Variants in LSAMP observed in about 807,000 individuals in gnomAD.
LSAMP encodes limbic system associated membrane protein, also known as limbic system-associated membrane protein.
In LSAMP, 7 loss-of-function variants were observed where a neutral mutation model predicts 38.6. That is an observed-to-expected ratio of 0.18 (90% CI 0.10 to 0.34). The LOEUF is 0.34. Among genes scored for constraint, LSAMP ranks in the 10% least tolerant of loss-of-function variants. The pLI is 1.00. For missense variants in LSAMP, 313 were observed against 420.0 expected, an observed-to-expected ratio of 0.75 and a Z score of 2.23; for synonymous variants, 154 against 166.8, an observed-to-expected ratio of 0.92 and a Z score of 0.59.
chr3:116,395,638 T>C (rs2048757892), intron 1 of LSAMP, among the ~76,000 whole-genome samples: 1 of 152,170 alleles, frequency 6.6e-6, no homozygotes, highest in Non-Finnish European at 1.5e-5. Flanking sequence ...GTATTATCTC[T>C]AGAGAAAGAC....
At chr3:116,237,612 T>C (rs2046482048) in intron 1 of LSAMP, among the ~76,000 whole-genome samples, 1 of 152,138 alleles carries the variant, frequency 6.6e-6, no homozygotes, top group African/African-American at 2.4e-5. Context: ...TTCACCACAA[T>C]TCATTTAATA....
chr3:116,183,777 T>C (rs1710545388), intron 1 of LSAMP, among the ~76,000 whole-genome samples: 2 of 151,714 alleles, frequency 1.3e-5, no homozygotes, highest in African/African-American at 4.8e-5. Context: ...TTTAAAAGCA[T>C]CCCTGATAAT....
At chr3:115,824,741 G>T (rs1934354091) in intron 6 of LSAMP, among the ~76,000 whole-genome samples, 1 of 151,050 alleles carries the variant, frequency 6.6e-6, no homozygotes, top group South Asian at 2.1e-4. Context: ...CTAGCTTCCG[G>T]ACCTAAATCT....
intron 1 of LSAMP, among the ~76,000 whole-genome samples, chr3:116,114,609 A>G (rs1023774562): frequency 2.6e-5 from 4 of 152,206 alleles, no homozygotes; most frequent in African/African-American, 4.8e-5. Context: ...AGAAAGCAGT[A>G]GTACTACTTT....
chr3:116,425,448 A>AAAT (rs2049181851), intron 1 of LSAMP, among the ~76,000 whole-genome samples: 1 of 152,222 alleles, frequency 6.6e-6, no homozygotes. Flanking sequence ...GGGTTAGTGG[A>AAAT]AATAGTACTG....
chr3:115,841,167 C>G (rs1934984410), intron 6 of LSAMP, among the ~76,000 whole-genome samples: 1 of 152,198 alleles, frequency 6.6e-6, no homozygotes, highest in East Asian at 1.9e-4. Flanking sequence ...TTTAGAATGA[C>G]CATTCTCCCC....
chr3:116,289,019 A>C (rs113503412), intron 1 of LSAMP, among the ~76,000 whole-genome samples: 7 of 152,294 alleles, frequency 4.6e-5, no homozygotes, highest in African/African-American at 1.4e-4. Flanking sequence ...TTTATGTTAC[A>C]ATACAGTGCA....
rs9861935 is a variant in LSAMP, at chr3:116,400,440, T to C, written c.155+44437A>G. 4.1e-4 allele frequency among the ~76,000 whole-genome samples: 38 copies of C among 91,588 alleles called. 1 individual carries two copies. Among genetic ancestry groups the C allele is most frequent in the African/African-American group, 1.6e-3 (27 of 17,076 alleles). The allele number at this position is 91,588 out of a possible 152,430, so 60.1% of individuals were successfully genotyped here. ...CCTCCTTCCCTCCCTCCCTCCCTCC[T>C]TCCTTCCTTCCTTCCTTCCCTCCTT... On this transcript the variant is annotated intron_variant, in intron 1 of 6. Coordinates refer to ENST00000490035, the MANE Select transcript of LSAMP (RefSeq NM_002338.5).
chr3:116,280,800 C>A (rs568799742), intron 1 of LSAMP, among the ~76,000 whole-genome samples: 1 of 152,126 alleles, frequency 6.6e-6, no homozygotes, highest in Non-Finnish European at 1.5e-5. Flanking sequence ...AGTGGCCATT[C>A]GGCACAAACT....
intron 1 of LSAMP, among the ~76,000 whole-genome samples, chr3:116,341,833 G>A (rs1158980395): frequency 6.6e-6 from 1 of 151,894 alleles, no homozygotes; most frequent in Non-Finnish European, 1.5e-5. Context: ...TGAGAAATTG[G>A]ACTCAGTACG....
At chr3:116,402,539 C>A (rs2048852266) in intron 1 of LSAMP, among the ~76,000 whole-genome samples, 1 of 152,016 alleles carries the variant, frequency 6.6e-6, no homozygotes, top group African/African-American at 2.4e-5. Flanking sequence ...TAAATACAGA[C>A]ATAATTATAA....
chr3:116,002,635 G>C (rs749310834), intron 3 of LSAMP, among the ~76,000 whole-genome samples: 16 of 152,142 alleles, frequency 1.1e-4, no homozygotes, highest in Non-Finnish European at 2.1e-4. Flanking sequence ...GGTAGTGGAG[G>C]TTACAGCTGT....
At chr3:116,291,003 A>C (rs1283169366) in intron 1 of LSAMP, among the ~76,000 whole-genome samples, 1 of 152,002 alleles carries the variant, frequency 6.6e-6, no homozygotes, top group Non-Finnish European at 1.5e-5. Flanking sequence ...AAGTTTATGC[A>C]CCCCTTATGT....
chr3:116,302,681 G>A (rs953776959), intron 1 of LSAMP, among the ~76,000 whole-genome samples: 6 of 152,186 alleles, frequency 3.9e-5, no homozygotes, highest in Admixed American at 3.9e-4. Context: ...GTCATTCAAA[G>A]TTACAGATCT....
intron 3 of LSAMP, among the ~76,000 whole-genome samples, chr3:115,981,567 A>T (rs1559907139): frequency 6.6e-6 from 1 of 152,162 alleles, no homozygotes; most frequent in East Asian, 1.9e-4. Context: ...CCACTTTCTG[A>T]CATCAGCAGG....
At chr3:115,813,449 G>A (rs570528889) in intron 6 of LSAMP, among the ~76,000 whole-genome samples, 9 of 152,138 alleles carry the variant, frequency 5.9e-5, no homozygotes, top group Non-Finnish European at 1.2e-4. Flanking sequence ...TCACAAGAAT[G>A]AAGTCACATA....
intron 1 of LSAMP, among the ~76,000 whole-genome samples, chr3:116,305,975 G>GT (rs776889527): frequency 6.9e-6 from 1 of 144,260 alleles, no homozygotes; most frequent in Admixed American, 6.9e-5. Flanking sequence ...ATCTTCAGTT[G>GT]CTTTTTTGAA....
chr3:115,963,471 G>C (rs938644418), intron 3 of LSAMP, among the ~76,000 whole-genome samples: 6 of 152,190 alleles, frequency 3.9e-5, no homozygotes, highest in African/African-American at 1.4e-4. Flanking sequence ...AGGTAATCAA[G>C]CAGGATAATC....
At chr3:116,331,816 C>CT (rs1378276566) in intron 1 of LSAMP, among the ~76,000 whole-genome samples, 1 of 151,954 alleles carries the variant, frequency 6.6e-6, no homozygotes, top group Non-Finnish European at 1.5e-5. Context: ...TGTTTTGTTT[C>CT]TTTTTATTTT....
Sources: allele counts gnomAD v4.1 joint callset (sites outside exome capture counted in the v4.1 genomes callset), GRCh38; gene constraint gnomAD v4.1.1; transcripts MANE v1.5; gene names NCBI Gene and HGNC (gene_info 2026-07-23, HGNC 2026-07-21).